The following NCAM2 variants were observed in gnomAD, a reference collection of about 807,000 sequenced individuals.
NCAM2 encodes the protein N-CAM-2.
In NCAM2, 30 loss-of-function variants were observed where a neutral mutation model predicts 98.1. That is an observed-to-expected ratio of 0.31 (90% CI 0.23 to 0.41). The LOEUF is 0.41. NCAM2 is among the 10% of genes least tolerant of loss of function. The probability of loss-of-function intolerance (pLI) is 1.00; values close to 1 mark genes in which losing one functional copy is unlikely to be tolerated. For synonymous variants in NCAM2, 368 were observed against 342.4 expected, an observed-to-expected ratio of 1.07 and a Z score of -0.83; for missense variants, 867 against 1,005.8, an observed-to-expected ratio of 0.86 and a Z score of 1.87.
chr21:21,324,608 T>C, intron 6 of NCAM2, 108 bp downstream of exon 6: 1 of 817,812 alleles, frequency 1.2e-6, no homozygotes, highest in Non-Finnish European at 1.9e-6. Context: ...GCATTTTAGT[T>C]TCATTAAAAA....
chr21:21,265,619 T>G (rs956222376), intron 1 of NCAM2, among the ~76,000 whole-genome samples: 1 of 150,972 alleles, frequency 6.6e-6, no homozygotes, highest in African/African-American at 2.4e-5. Context: ...CACAGTAACA[T>G]GGAGCTAGAG....
Position 21,292,223 on chromosome 21 carries a change from A to G in NCAM2, c.601A>G (p.Ile201Val), listed in dbSNP as rs1232154168. ...CAGGGGAGAAATTGACTTCCGTGAT[A>G]TCATTGTTATTGTTAATGGTAAGCA... ...EARGEIDFRDIIVIVNVPPAI... is the reference protein window; with the variant it reads ...EARGEIDFRDVIVIVNVPPAI... The change falls in exon 5 of 18, where the codon ATC becomes GTC. Residue 201 changes from isoleucine (I) to valine (V), a missense_variant. Around this residue, in one of 5 missense-constraint regions of NCAM2, gnomAD observed 447 missense variants for 495.7 expected, o/e 0.90. Coordinates refer to ENST00000400546, the MANE Select transcript of NCAM2 (RefSeq NM_004540.5). 2 of 1,609,692 alleles carry G rather than the reference A, an allele frequency of 1.2e-6. No homozygotes were observed. The highest frequency in any genetic ancestry group is 2.7e-5 in the African/African-American group (2 of 74,616).
intron 10 of NCAM2, among the ~76,000 whole-genome samples, chr21:21,411,217 T>C: frequency 7.2e-6 from 1 of 139,312 alleles, no homozygotes; most frequent in South Asian, 2.3e-4. Flanking sequence ...TAAAAATTTT[T>C]CCATATATAT....
chr21:21,107,392 G>T (rs1279318708), intron 1 of NCAM2, among the ~76,000 whole-genome samples: 1 of 151,818 alleles, frequency 6.6e-6, no homozygotes, highest in Non-Finnish European at 1.5e-5. Context: ...TTTTTTCCAT[G>T]CAAGGTTAAT....
At chr21:21,504,717 T>C (rs957630149) in intron 15 of NCAM2, among the ~76,000 whole-genome samples, 5 of 151,630 alleles carry the variant, frequency 3.3e-5, no homozygotes, top group Non-Finnish European at 7.4e-5. Flanking sequence ...TGACATTTAA[T>C]ATATATATAA....
At chr21:21,241,100 C>G (rs572912306) in intron 1 of NCAM2, among the ~76,000 whole-genome samples, 1 of 152,094 alleles carries the variant, frequency 6.6e-6, no homozygotes, top group African/African-American at 2.4e-5. Context: ...ATAATATTCT[C>G]CATTTGTAAA....
intron 1 of NCAM2, among the ~76,000 whole-genome samples, chr21:21,129,630 C>T (rs1347772046): frequency 6.6e-6 from 1 of 152,074 alleles, no homozygotes; most frequent in Non-Finnish European, 1.5e-5. Context: ...TTTTAGATGG[C>T]ATTCTCACTT....
intron 1 of NCAM2, among the ~76,000 whole-genome samples, chr21:21,039,862 A>G (rs940631719): frequency 6.6e-6 from 1 of 152,134 alleles, no homozygotes; most frequent in Non-Finnish European, 1.5e-5. Context: ...ATAAATCAGC[A>G]CTTGTCAGAT....
intron 8 of NCAM2, among the ~76,000 whole-genome samples, chr21:21,347,620 A>G (rs1379659447): frequency 6.6e-6 from 1 of 152,084 alleles, no homozygotes; most frequent in Non-Finnish European, 1.5e-5. Flanking sequence ...TTCAAAAAAT[A>G]GAGGAGAAAA....
intron 11 of NCAM2, among the ~76,000 whole-genome samples, chr21:21,427,771 G>A (rs911078194): frequency 3.3e-5 from 5 of 152,104 alleles, no homozygotes; most frequent in African/African-American, 9.7e-5. Flanking sequence ...GCTGAACATC[G>A]ATATTGTATC....
intron 1 of NCAM2, among the ~76,000 whole-genome samples, chr21:21,051,845 G>C (rs1373373992): frequency 3.3e-5 from 5 of 152,058 alleles, no homozygotes; most frequent in Admixed American, 3.3e-4. Context: ...GTGGCTCTCT[G>C]TAACTGATAT....
At chr21:21,186,263 C>A (rs1460020695) in intron 1 of NCAM2, among the ~76,000 whole-genome samples, 1 of 151,976 alleles carries the variant, frequency 6.6e-6, no homozygotes, top group Admixed American at 6.6e-5. Context: ...CTTTTTTCAT[C>A]TCTTTTCTAA....
intron 15 of NCAM2, among the ~76,000 whole-genome samples, chr21:21,494,434 G>C (rs936760666): frequency 5.3e-5 from 8 of 151,184 alleles, no homozygotes; most frequent in Non-Finnish European, 7.4e-5. Flanking sequence ...AAATTATTCA[G>C]TTCTTTTACA....
intron 9 of NCAM2, among the ~76,000 whole-genome samples, chr21:21,380,571 T>C (rs1179583232): frequency 6.6e-6 from 1 of 152,118 alleles, no homozygotes; most frequent in Admixed American, 6.5e-5. Context: ...TTGTTTTTTT[T>C]TTCAGCTTCT....
intron 2 of NCAM2, among the ~76,000 whole-genome samples, chr21:21,283,463 T>G (rs2072996165): frequency 1.3e-5 from 2 of 151,876 alleles, no homozygotes; most frequent in Admixed American, 6.6e-5. Flanking sequence ...TTGGAAAACT[T>G]AAATAAATGT....
intron 15 of NCAM2, among the ~76,000 whole-genome samples, chr21:21,481,260 A>G (rs572787868): frequency 4.6e-5 from 7 of 152,326 alleles, no homozygotes; most frequent in Non-Finnish European, 8.8e-5. Flanking sequence ...AGGAACTATC[A>G]TATTATACTA....
chr21:21,503,295 A>T (rs957912928), intron 15 of NCAM2, among the ~76,000 whole-genome samples: 2 of 151,870 alleles, frequency 1.3e-5, no homozygotes, highest in African/African-American at 4.8e-5. Context: ...AATTACAACA[A>T]TTTTCCAGCA....
At chr21:21,433,114 T>A (rs2146034240) in intron 12 of NCAM2, among the ~76,000 whole-genome samples, 1 of 152,314 alleles carries the variant, frequency 6.6e-6, no homozygotes, top group South Asian at 2.1e-4. Flanking sequence ...ATCATCCTGG[T>A]CTCATCTGTG....
At chr21:21,436,652 T>G (rs1978368594) in intron 12 of NCAM2, among the ~76,000 whole-genome samples, 1 of 152,162 alleles carries the variant, frequency 6.6e-6, no homozygotes, top group Admixed American at 6.5e-5. Context: ...TACTGAAATT[T>G]GGTGGAGGTA....
Sources: gnomAD v4.1 joint callset for allele counts (sites outside exome capture counted in the v4.1 genomes callset) on GRCh38, gnomAD v4.1.1 for gene constraint, gnomAD v4.1.1 regional missense constraint, MANE v1.5 for transcripts, NCBI Gene and HGNC (gene_info 2026-07-23, HGNC 2026-07-21) for gene names.